Variants in GATAD1 observed in about 807,000 individuals in gnomAD.
GATAD1 encodes GATA zinc finger domain containing 1.
A neutral mutation model predicts 26.5 loss-of-function variants in GATAD1; 12 were observed. The observed-to-expected ratio is 0.45, with a 90% CI of 0.29 to 0.73. GATAD1 has a LOEUF of 0.73. GATAD1 is among the 30% of genes least tolerant of loss of function. The pLI, the probability that GATAD1 is intolerant of heterozygous loss-of-function variation, is 0.10. For missense variants in GATAD1, 266 were observed against 342.1 expected, an observed-to-expected ratio of 0.78 and a Z score of 1.75; for synonymous variants, 129 against 133.1, an observed-to-expected ratio of 0.97 and a Z score of 0.21.
At chr7:92,493,268 CAGCCTACT>C in the GATAD1 span, 1 of 529,040 alleles carries the variant, frequency 1.9e-6, no homozygotes, top group Admixed American at 3.5e-5. Flanking sequence ...AATGTACCAA[CAGCCTACT>C]ATTTATCTTC....
chr7:92,494,669 T>G, the GATAD1 span: 1 of 1,599,400 alleles, frequency 6.3e-7, no homozygotes, highest in African/African-American at 1.3e-5. Flanking sequence ...GAATCAGGCT[T>G]CATAGTTGGC....
the GATAD1 span, among the ~76,000 whole-genome samples, chr7:92,487,704 T>C: frequency 6.6e-6 from 1 of 151,768 alleles, no homozygotes; most frequent in African/African-American, 2.4e-5. Flanking sequence ...TTCTTACAAA[T>C]AAAGTTGCAC....
the GATAD1 span, chr7:92,470,940 T>G: frequency 3.0e-5 from 5 of 167,354 alleles, no homozygotes; most frequent in African/African-American, 1.2e-4. Context: ...TTTGAGTGTT[T>G]CATTCATTTT....
intron 1 of GATAD1, among the ~76,000 whole-genome samples, chr7:92,448,405 A>T (rs950058459): frequency 3.3e-5 from 5 of 152,110 alleles, no homozygotes; most frequent in Non-Finnish European, 7.4e-5. Flanking sequence ...TTAGGGAGTA[A>T]AGTTGTTAAG....
the GATAD1 span, among the ~76,000 whole-genome samples, chr7:92,474,044 G>A: frequency 4.6e-5 from 7 of 152,056 alleles, no homozygotes; most frequent in Non-Finnish European, 8.8e-5. Flanking sequence ...CTTGTAGACC[G>A]CACTGGAAGC....
At chr7:92,494,511 A>C in the GATAD1 span, 18 of 1,613,746 alleles carry the variant, frequency 1.1e-5, no homozygotes, top group Non-Finnish European at 1.5e-5. Context: ...ACTCCATCCA[A>C]CTGAGTCAGC....
chr7:92,484,100 T>G, the GATAD1 span, among the ~76,000 whole-genome samples: 38 of 152,260 alleles, frequency 2.5e-4, no homozygotes, highest in Non-Finnish European at 5.1e-4. Flanking sequence ...ATTATCTAGA[T>G]CTTGTAGGAT....
chr7:92,492,962 A>G, the GATAD1 span: 40 of 1,613,166 alleles, frequency 2.5e-5, no homozygotes, highest in African/African-American at 2.8e-4. Flanking sequence ...CCTGGAGTCC[A>G]CTCGAGAGCA....
At chr7:92,470,098 C>T in the GATAD1 span, 1 of 778,758 alleles carries the variant, frequency 1.3e-6, no homozygotes, top group Non-Finnish European at 2.4e-6. Context: ...TCCAGGACAA[C>T]TAGGATTAAT....
Position 92,454,637 on chromosome 7 carries a change from A to G in GATAD1, c.571A>G (p.Thr191Ala). Residue 191 changes from threonine (T) to alanine (A), a missense_variant, in exon 4 of 5, where the codon ACC (threonine) becomes GCC (alanine). Physicochemically the swap from Thr to Ala is moderately conservative, Grantham distance 58. Coordinates refer to ENST00000287957, the MANE Select transcript of GATAD1 (RefSeq NM_021167.5). The part of the protein sequence containing the change: ...KSAALTWLIP[T>A]LSSPRDQFDP... ...TGCAGCACTGACGTGGCTCATTCCT[A>G]CCCTCTCTAGCCCCAGAGACCAATT... 1.2e-6 allele frequency: 2 copies of G among 1,612,282 alleles called. No individual in the cohort carries two copies. Among genetic ancestry groups the G allele is most frequent in the Non-Finnish European group, 1.7e-6 (2 of 1,179,208 alleles).
chr7:92,487,512 C>A, the GATAD1 span: 2 of 1,590,766 alleles, frequency 1.3e-6, no homozygotes, highest in Non-Finnish European at 1.7e-6. Context: ...TTGATTTTTT[C>A]TCCTCTTTGG....
chr7:92,479,912 T>C, the GATAD1 span, among the ~76,000 whole-genome samples: 1 of 152,076 alleles, frequency 6.6e-6, no homozygotes, highest in Non-Finnish European at 1.5e-5. Flanking sequence ...AAAACAGATA[T>C]TAAAGGACTA....
At chr7:92,493,817 CATTT>C in the GATAD1 span, 1 of 187,060 alleles carries the variant, frequency 5.3e-6, no homozygotes, top group Non-Finnish European at 1.1e-5. Flanking sequence ...TTTGACTATT[CATTT>C]GTCTATCTGT....
chr7:92,477,784 CAG>C, the GATAD1 span: 1 of 181,466 alleles, frequency 5.5e-6, no homozygotes, highest in Non-Finnish European at 1.1e-5. Context: ...GAGTCAGCGG[CAG>C]GTCTGCGGTG....
intron 2 of GATAD1, 27 bp from the exon 3 acceptor site, chr7:92,450,674 G>A (rs376691322): frequency 7.6e-5 from 117 of 1,531,418 alleles, no homozygotes; most frequent in Non-Finnish European, 1.0e-4. Flanking sequence ...TACTATGAAT[G>A]TGCTAATGTT....
At chr7:92,454,826 C>G (rs1789600395) in intron 4 of GATAD1, 141 bp downstream of exon 4, 1 of 594,756 alleles carries the variant, frequency 1.7e-6, no homozygotes. Flanking sequence ...GTCACTTTCT[C>G]ACAGTTGTGG....
At chr7:92,467,133 CATG>C in the GATAD1 span, among the ~76,000 whole-genome samples, 1 of 152,088 alleles carries the variant, frequency 6.6e-6, no homozygotes, top group Admixed American at 6.5e-5. Context: ...GCCTGGCCAA[CATG>C]ATGAAACCCA....
At chr7:92,472,148 C>G in the GATAD1 span, 1 of 152,250 alleles carries the variant, frequency 6.6e-6, no homozygotes, top group Non-Finnish European at 1.5e-5. Flanking sequence ...TATGTTTTAT[C>G]TTTTCTTCAT....
At chr7:92,489,677 A>G in the GATAD1 span, 1 of 1,559,522 alleles carries the variant, frequency 6.4e-7, no homozygotes, top group Admixed American at 1.7e-5. Flanking sequence ...ATTTTTAAGA[A>G]GTTTTAACAA....
Sources: allele counts gnomAD v4.1 joint callset (sites outside exome capture counted in the v4.1 genomes callset), GRCh38; gene constraint gnomAD v4.1.1; transcripts MANE v1.5; gene names NCBI Gene and HGNC (gene_info 2026-07-23, HGNC 2026-07-21).